SLCO5A1: variants seen among roughly 807,000 people sequenced by gnomAD.
SLCO5A1 encodes the protein organic anion transporter polypeptide-related protein 4.
Under a neutral mutation model 65.1 loss-of-function variants are expected in SLCO5A1, and 39 were observed. That is an observed-to-expected ratio of 0.60 (90% CI 0.46 to 0.78). The LOEUF (loss-of-function observed/expected upper bound fraction) is 0.78. SLCO5A1 is among the 30% of genes least tolerant of loss of function. The pLI is 0.00. For missense variants in SLCO5A1, 1,029 were observed against 1,069.4 expected (o/e 0.96, Z 0.53); for synonymous variants, 438 against 415.7 (o/e 1.05, Z -0.65).
intron 6 of SLCO5A1, among the ~76,000 whole-genome samples, chr8:69,699,039 A>T (rs896993872): frequency 6.6e-6 from 1 of 152,220 alleles, no homozygotes; most frequent in African/African-American, 2.4e-5. Flanking sequence ...AACTTAGGAA[A>T]ACATATGGAC....
chr8:69,784,392 G>A (rs977880761), intron 2 of SLCO5A1, among the ~76,000 whole-genome samples: 1 of 152,166 alleles, frequency 6.6e-6, no homozygotes, highest in Non-Finnish European at 1.5e-5. Context: ...ACCATATCAA[G>A]TAGTAGCAAG....
chr8:69,726,149 G>C (rs1030563032), intron 5 of SLCO5A1, among the ~76,000 whole-genome samples: 1 of 152,260 alleles, frequency 6.6e-6, no homozygotes, highest in East Asian at 1.9e-4. Context: ...AATCATCAAA[G>C]GTAAGTGAAG....
chr8:69,675,132 T>G (rs1698722393), intron 9 of SLCO5A1, among the ~76,000 whole-genome samples: 1 of 152,000 alleles, frequency 6.6e-6, no homozygotes, highest in Non-Finnish European at 1.5e-5. Context: ...TAAATGTTAT[T>G]TCTAAATAAT....
intron 5 of SLCO5A1, among the ~76,000 whole-genome samples, chr8:69,717,142 T>G (rs926042597): frequency 6.6e-6 from 1 of 152,216 alleles, no homozygotes; most frequent in Non-Finnish European, 1.5e-5. Flanking sequence ...GAACTCCAAC[T>G]CATCTATTTT....
At chr8:69,810,090 C>T (rs533438081) in intron 2 of SLCO5A1, among the ~76,000 whole-genome samples, 11 of 152,264 alleles carry the variant, frequency 7.2e-5, no homozygotes, top group African/African-American at 2.2e-4. Flanking sequence ...GATTTCCATG[C>T]CAGGACAAAA....
chr8:69,688,399 A>G (rs918619240), intron 6 of SLCO5A1, among the ~76,000 whole-genome samples: 6 of 151,994 alleles, frequency 3.9e-5, no homozygotes, highest in African/African-American at 1.5e-4. Context: ...GGTTAGTTAC[A>G]TATGTATACA....
At chr8:69,803,368 G>A (rs916280017) in intron 2 of SLCO5A1, among the ~76,000 whole-genome samples, 13 of 152,154 alleles carry the variant, frequency 8.5e-5, no homozygotes, top group African/African-American at 3.1e-4. Context: ...CGTGAGCCAA[G>A]ACTGCGCCAC....
Position 69,688,786 on chromosome 8 carries a change from C to T in SLCO5A1, c.1623-6443G>A, listed in dbSNP as rs200445046. ...AAGTCTTTGCTATTGTGAATAGTCCCGCAATAAACATACGTGTGCATGTGT... is the reference window on the plus strand; with the variant it reads ...AAGTCTTTGCTATTGTGAATAGTCCTGCAATAAACATACGTGTGCATGTGT... On this transcript the variant is annotated intron_variant, in intron 6 of 9. Coordinates refer to ENST00000260126, the MANE Select transcript of SLCO5A1 (RefSeq NM_030958.3). Among the ~76,000 whole-genome samples the T allele has an allele frequency of 2.1e-4, 32 of 152,126 alleles. No homozygotes were observed. The East Asian group carries it at 4.2e-3, about 20-fold the overall frequency.
intron 2 of SLCO5A1, among the ~76,000 whole-genome samples, chr8:69,811,650 G>A (rs983603855): frequency 6.6e-6 from 1 of 152,204 alleles, no homozygotes; most frequent in Admixed American, 6.5e-5. Context: ...GCTCAGAAAA[G>A]CCACAAGAAG....
intron 5 of SLCO5A1, among the ~76,000 whole-genome samples, chr8:69,730,014 C>T (rs1232811996): frequency 1.3e-5 from 2 of 152,156 alleles, no homozygotes; most frequent in African/African-American, 4.8e-5. Context: ...AGAGGAGAAA[C>T]TGATTTTTCT....
chr8:69,686,440 T>C (rs1222517949), intron 6 of SLCO5A1, among the ~76,000 whole-genome samples: 1 of 152,194 alleles, frequency 6.6e-6, no homozygotes, highest in Non-Finnish European at 1.5e-5. Flanking sequence ...GGTTTATAAA[T>C]ATTATTATCA....
In SLCO5A1 at chr8:69,740,332, A is replaced by G. The variant is rs117937449; in HGVS notation, c.1259-2128T>C. On this transcript the variant is annotated intron_variant, in intron 4 of 9. Coordinates refer to ENST00000260126, the MANE Select transcript of SLCO5A1 (RefSeq NM_030958.3). ...TTTTTACATCAAAGGAGACTTAGAAAGTTATAAATACATTGAAAATAATGG... is the reference window on the plus strand; with the variant it reads ...TTTTTACATCAAAGGAGACTTAGAAGGTTATAAATACATTGAAAATAATGG... 1.6e-3 allele frequency among the ~76,000 whole-genome samples: 242 copies of G among 152,342 alleles called. 1 individual carries two copies. The highest frequency in any genetic ancestry group is 2.3e-3 in the Non-Finnish European group (154 of 68,032).
chr8:69,723,182 G>A (rs139460969), intron 5 of SLCO5A1, among the ~76,000 whole-genome samples: 50 of 152,182 alleles, frequency 3.3e-4, no homozygotes, highest in Middle Eastern at 3.4e-3. Context: ...TGTCTATAAG[G>A]TTATTTTGTT....
At chr8:69,710,019 C>T (rs921411227) in intron 5 of SLCO5A1, among the ~76,000 whole-genome samples, 4 of 122,906 alleles carry the variant, frequency 3.3e-5, no homozygotes, top group African/African-American at 9.2e-5. Context: ...TCGGCAACAG[C>T]TTTTTTTTTT....
At chr8:69,819,857 G>A (rs1217698313) in intron 2 of SLCO5A1, among the ~76,000 whole-genome samples, 2 of 152,112 alleles carry the variant, frequency 1.3e-5, no homozygotes, top group East Asian at 3.9e-4. Context: ...AGATACTCAG[G>A]GAGACTGAGA....
intron 9 of SLCO5A1, among the ~76,000 whole-genome samples, chr8:69,673,625 A>G (rs1813426817): frequency 6.6e-6 from 1 of 152,200 alleles, no homozygotes. Flanking sequence ...TGTCAAGTAT[A>G]CCTCAATAAA....
chr8:69,694,121 A>G (rs1032498895), intron 6 of SLCO5A1, among the ~76,000 whole-genome samples: 1 of 152,216 alleles, frequency 6.6e-6, no homozygotes, highest in African/African-American at 2.4e-5. Flanking sequence ...CTCATTCAGC[A>G]AGAAGGTTGT....
At chr8:69,717,748 T>C (rs985510569) in intron 5 of SLCO5A1, among the ~76,000 whole-genome samples, 1 of 152,218 alleles carries the variant, frequency 6.6e-6, no homozygotes, top group East Asian at 1.9e-4. Context: ...TGTCTTTTCA[T>C]TTATTTACAT....
intron 6 of SLCO5A1, among the ~76,000 whole-genome samples, chr8:69,693,396 T>C (rs2933063): frequency 0.7 from 107,133 of 152,158 alleles, 39,172 homozygotes; most frequent in African/African-American, 0.91. Flanking sequence ...CTTATGAGTA[T>C]TTGATACTAA....
Sources: allele counts gnomAD v4.1 joint callset (sites outside exome capture counted in the v4.1 genomes callset), GRCh38; gene constraint gnomAD v4.1.1; transcripts MANE v1.5; gene names NCBI Gene and HGNC (gene_info 2026-07-23, HGNC 2026-07-21).